PCDHGA1: variants seen among roughly 807,000 people sequenced by gnomAD.
PCDHGA1 encodes protocadherin gamma subfamily A, 1.
PCDHGA1 carries 32 observed loss-of-function variants against 58.0 expected under a neutral mutation model. The ratio of observed to expected loss-of-function variants is 0.55; its 90% CI spans 0.42 to 0.74. The LOEUF is 0.74. PCDHGA1 is among the 30% of genes least tolerant of loss of function. PCDHGA1 has a pLI of 0.00. For missense variants in PCDHGA1, 1,205 were observed against 1,182.3 expected (o/e 1.02, Z -0.28); for synonymous variants, 498 against 501.1 (o/e 0.99, Z 0.08).
chr5:141,432,476 A>G lies in PCDHGA1; in HGVS notation c.2422-62331A>G. 1 of 1,614,080 alleles carries G rather than the reference A, an allele frequency of 6.2e-7. No homozygotes were observed. Among genetic ancestry groups the G allele is most frequent in the East Asian group, 2.2e-5 (1 of 44,874 alleles). ...CCCCGCCCTCCCCACGGACGGTTCCACTGGCGTGGAGCTGGCTCCCCGCTC... is the reference window on the plus strand; with the variant it reads ...CCCCGCCCTCCCCACGGACGGTTCCGCTGGCGTGGAGCTGGCTCCCCGCTC... On this transcript the variant is annotated intron_variant, in intron 1 of 3. Transcript: ENST00000517417. The surrounding 1 kb of genome is among the most constrained non-coding windows in gnomAD (Gnocchi z 6.0).
chr5:141,380,369 A>G (rs1776432009), intron 1 of PCDHGA1, among the ~76,000 whole-genome samples: 1 of 152,238 alleles, frequency 6.6e-6, no homozygotes, highest in Non-Finnish European at 1.5e-5. Context: ...TAGAAAAAAA[A>G]GTCCCAAAAA....
intron 1 of PCDHGA1, chr5:141,399,416 C>T: frequency 6.2e-7 from 1 of 1,614,046 alleles, no homozygotes; most frequent in African/African-American, 1.3e-5. Context: ...CCCCTCTCCT[C>T]CAGCATAAGC....
intron 1 of PCDHGA1, among the ~76,000 whole-genome samples, chr5:141,456,052 C>T (rs2098841739): frequency 1.3e-5 from 2 of 151,970 alleles, no homozygotes; most frequent in South Asian, 4.1e-4. Flanking sequence ...CGCCCACCAC[C>T]ACGTCCGGCT....
At position 141,485,681 on chromosome 5, in the gene PCDHGA1, T is replaced by A; in HGVS notation, c.2422-9126T>A. The A allele has an allele frequency of 6.2e-7, 1 of 1,614,074 alleles. No homozygotes were observed. The highest frequency in any genetic ancestry group is 8.5e-7 in the Non-Finnish European group (1 of 1,179,966). ...TGTGGGGAGCAATTCGATTAGCAGC[T>A]ATAGGCTGAGCTCCAATGAACACTT... On this transcript the variant is annotated intron_variant, in intron 1 of 3. Transcript: ENST00000517417. The surrounding 1 kb of genome is among the most constrained non-coding windows in gnomAD (Gnocchi z 5.7).
intron 1 of PCDHGA1, among the ~76,000 whole-genome samples, chr5:141,483,889 CT>C (rs1298469461): frequency 6.6e-6 from 1 of 151,866 alleles, no homozygotes; most frequent in Admixed American, 6.6e-5. Flanking sequence ...TTCTATTTCT[CT>C]GAGCTCTGGT....
intron 1 of PCDHGA1, chr5:141,375,310 T>C: frequency 6.2e-7 from 1 of 1,613,814 alleles, no homozygotes; most frequent in Non-Finnish European, 8.5e-7. Context: ...CAAATGCAGC[T>C]CTAGACCGGG....
intron 1 of PCDHGA1, among the ~76,000 whole-genome samples, chr5:141,401,114 CG>C (rs566829189): frequency 5.5e-4 from 84 of 152,224 alleles, no homozygotes; most frequent in African/African-American, 2.0e-3. Context: ...GAGGCCGAGG[CG>C]GTTGGATCAC....
intron 1 of PCDHGA1, 43 bp downstream of exon 1, chr5:141,333,148 A>C: frequency 1.2e-6 from 2 of 1,612,226 alleles, no homozygotes; most frequent in East Asian, 4.5e-5. Context: ...AGAGAAAAAT[A>C]ATTCTTGATT....
At chr5:141,355,349 A>T (rs534261115) in intron 1 of PCDHGA1, 2 of 1,614,032 alleles carry the variant, frequency 1.2e-6, no homozygotes, top group South Asian at 2.2e-5. Flanking sequence ...AACATCGCCA[A>T]GGACCTGGGG....
chr5:141,380,379 A>G (rs1484471466), intron 1 of PCDHGA1, among the ~76,000 whole-genome samples: 1 of 152,244 alleles, frequency 6.6e-6, no homozygotes, highest in Non-Finnish European at 1.5e-5. Context: ...AGTCCCAAAA[A>G]AGAAAAGAGA....
At chr5:141,423,598 C>A in intron 1 of PCDHGA1, 1 of 1,612,940 alleles carries the variant, frequency 6.2e-7, no homozygotes, top group East Asian at 2.2e-5. Flanking sequence ...GAAAAGCGAG[C>A]CACTCTTGAT....
intron 1 of PCDHGA1, chr5:141,339,108 G>A: frequency 6.2e-7 from 1 of 1,614,232 alleles, no homozygotes; most frequent in Non-Finnish European, 8.5e-7. Context: ...TCCTTCGTAG[G>A]CAACATCGCC....
chr5:141,403,992 T>G, intron 1 of PCDHGA1: 2 of 1,613,848 alleles, frequency 1.2e-6, no homozygotes, highest in South Asian at 2.2e-5. Flanking sequence ...AGACCTGAAG[T>G]GACCATTACA....
At position 141,477,742 on chromosome 5, in the gene PCDHGA1, G is replaced by C; in HGVS notation, c.2422-17065G>C. 2 of 1,613,800 alleles carry C rather than the reference G, an allele frequency of 1.2e-6. No individual in the cohort carries two copies. Among genetic ancestry groups the C allele is most frequent in the Non-Finnish European group, 1.7e-6 (2 of 1,180,030 alleles). ...AATTAACAGCTCATATCAGCGATGG[G>C]GGCACCCCGGTCCTAGCCACCAACA... On this transcript the variant is annotated intron_variant, in intron 1 of 3. Coordinates refer to ENST00000517417, the MANE Select transcript of PCDHGA1 (RefSeq NM_018912.3). The surrounding 1 kb of genome is among the most constrained non-coding windows in gnomAD (Gnocchi z 4.9).
At chr5:141,366,024 C>G in intron 1 of PCDHGA1, 1 of 1,614,260 alleles carries the variant, frequency 6.2e-7, no homozygotes, top group Non-Finnish European at 8.5e-7. Context: ...ATCCTGTACC[C>G]CGCCCTCCCC....
chr5:141,394,077 G>T (rs2092915591), intron 1 of PCDHGA1: 2 of 1,613,828 alleles, frequency 1.2e-6, no homozygotes, highest in Non-Finnish European at 1.7e-6. Context: ...CAATATCACA[G>T]TGATGGCCTC....
chr5:141,444,525 C>T (rs2098439670), intron 1 of PCDHGA1, among the ~76,000 whole-genome samples: 1 of 152,062 alleles, frequency 6.6e-6, no homozygotes, highest in African/African-American at 2.4e-5. Context: ...GTAGGTGAGA[C>T]AGTGACTGTG....
chr5:141,457,233 T>G (rs1038193595), intron 1 of PCDHGA1, among the ~76,000 whole-genome samples: 9 of 152,208 alleles, frequency 5.9e-5, no homozygotes, highest in African/African-American at 2.2e-4. Flanking sequence ...AATTTCCATC[T>G]AAAATTTTAC....
intron 3 of PCDHGA1, among the ~76,000 whole-genome samples, chr5:141,509,092 G>T (rs943269087): frequency 1.3e-5 from 2 of 152,180 alleles, no homozygotes; most frequent in African/African-American, 4.8e-5. Context: ...TGAAATGGGG[G>T]CTGTAGAAAC....
Sources: gnomAD v4.1 joint callset for allele counts (sites outside exome capture counted in the v4.1 genomes callset) on GRCh38, gnomAD v4.1.1 for gene constraint, Gnocchi (gnomAD v3.1) non-coding constraint, MANE v1.5 for transcripts, NCBI Gene and HGNC (gene_info 2026-07-23, HGNC 2026-07-21) for gene names.